Variants in GFOD1 observed in about 807,000 individuals in gnomAD.
GFOD1 encodes Gfo/Idh/MocA-like oxidoreductase domain containing 1, also known as glucose-fructose oxidoreductase domain-containing protein 1.
In GFOD1, 9 loss-of-function variants were observed where a neutral mutation model predicts 25.4. That is an observed-to-expected ratio of 0.35 (90% CI 0.21 to 0.62). The LOEUF is 0.62. Among genes scored for constraint, GFOD1 ranks in the 20% least tolerant of loss-of-function variants. The pLI is 0.72. For missense variants in GFOD1, 403 were observed against 556.9 expected (o/e 0.72, Z 2.78); for synonymous variants, 253 against 245.6 (o/e 1.03, Z -0.28).
chr6:13,474,252 G>A (rs1380410645), intron 1 of GFOD1, among the ~76,000 whole-genome samples: 1 of 152,148 alleles, frequency 6.6e-6, no homozygotes, highest in Non-Finnish European at 1.5e-5. Context: ...GGTGGTGCAT[G>A]CCTGTAATTC....
At chr6:13,407,813 CA>C (rs1203646747) in intron 1 of GFOD1, 1 of 292,246 alleles carries the variant, frequency 3.4e-6, no homozygotes, top group African/African-American at 2.2e-5. Context: ...TGGATTTCAT[CA>C]GAAGAGAATT....
intron 1 of GFOD1, among the ~76,000 whole-genome samples, chr6:13,369,563 G>A (rs1562194583): frequency 6.6e-6 from 1 of 152,164 alleles, no homozygotes; most frequent in African/African-American, 2.4e-5. Context: ...TTAGGAGGCT[G>A]AGGTGGGAGC....
chr6:13,466,119 T>C (rs1758374915), intron 1 of GFOD1, among the ~76,000 whole-genome samples: 1 of 152,248 alleles, frequency 6.6e-6, no homozygotes, highest in East Asian at 1.9e-4. Context: ...AAATGTCCCA[T>C]GTGGATACAG....
intron 1 of GFOD1, among the ~76,000 whole-genome samples, chr6:13,390,792 G>GAAGGAAGGAAGGAAGA (rs1562202788): frequency 2.0e-5 from 3 of 147,342 alleles, no homozygotes; most frequent in Non-Finnish European, 3.0e-5. Flanking sequence ...AGGAAGGAAG[G>GAAGGAAGGAAGGAAGA]AAGGAAGGAA....
Position 13,430,242 on chromosome 6 carries a change from G to C in GFOD1, c.253+56396C>G, listed in dbSNP as rs1757724429. ...ACTTGAGGCCAGGAGTTCGAGACCA[G>C]CCTGGCCAATGTGGCGAAACCCCCT... On this transcript the variant is annotated intron_variant, in intron 1 of 1. Coordinates refer to ENST00000379287, the MANE Select transcript of GFOD1 (RefSeq NM_018988.4). The surrounding 1 kb of genome is among the most constrained non-coding windows in gnomAD (Gnocchi z 4.1). Among the ~76,000 whole-genome samples, 1 of 152,100 alleles carries C rather than the reference G, an allele frequency of 6.6e-6. No individual in the cohort carries two copies. The highest frequency in any genetic ancestry group is 2.4e-5 in the African/African-American group (1 of 41,416).
At chr6:13,392,359 A>AAAAAG (rs1015921654) in intron 1 of GFOD1, among the ~76,000 whole-genome samples, 1 of 151,736 alleles carries the variant, frequency 6.6e-6, no homozygotes, top group Non-Finnish European at 1.5e-5. Flanking sequence ...AAAAAAAAAA[A>AAAAAG]AAAAGAAAAG....
At chr6:13,375,817 T>G (rs1213063016) in intron 1 of GFOD1, among the ~76,000 whole-genome samples, 1 of 152,206 alleles carries the variant, frequency 6.6e-6, no homozygotes, top group African/African-American at 2.4e-5. Flanking sequence ...TCGTGTGCAT[T>G]TGGTCATCTA....
chr6:13,399,839 T>C (rs1482738783), intron 1 of GFOD1, among the ~76,000 whole-genome samples: 1 of 152,192 alleles, frequency 6.6e-6, no homozygotes, highest in East Asian at 1.9e-4. Flanking sequence ...GGTATATACA[T>C]TTACCAAAAC....
At chr6:13,403,606 C>T (rs1375514651) in intron 1 of GFOD1, among the ~76,000 whole-genome samples, 1 of 152,152 alleles carries the variant, frequency 6.6e-6, no homozygotes, top group East Asian at 1.9e-4. Context: ...TATGAGACCA[C>T]CATTATATAT....
At chr6:13,463,001 G>A (rs1196185880) in intron 1 of GFOD1, among the ~76,000 whole-genome samples, 1 of 152,224 alleles carries the variant, frequency 6.6e-6, no homozygotes, top group Non-Finnish European at 1.5e-5. Context: ...AAGATTTCAC[G>A]AGGCAGAGAG....
chr6:13,409,133 GAAAGAAA>G lies in GFOD1; in HGVS notation c.254-43478_254-43472del, dbSNP rs1562209353. ...AGAAAGAAAGAAAGAAAGAAAGAAA[GAAAGAAA>G]GAAAGAAAGAGAGGAAAGAAAGAAA... On this transcript the variant is annotated intron_variant, in intron 1 of 1. Transcript: ENST00000379287. Among the ~76,000 whole-genome samples the G allele has an allele frequency of 4.2e-3, 170 of 40,450 alleles. 26 individuals are homozygous for G. The highest frequency in any genetic ancestry group is 0.016 in the Admixed American group (36 of 2,244). 26.5% of individuals were successfully genotyped at this position (40,450 alleles called of 152,430 possible).
In GFOD1 at chr6:13,487,302, C is replaced by T. The variant is rs1207381000; in HGVS notation, c.-412G>A. 1 of 182,936 alleles carries T rather than the reference C, an allele frequency of 5.5e-6. No individual in the cohort carries two copies. The highest frequency in any genetic ancestry group is 1.1e-5 in the Non-Finnish European group (1 of 89,282). The allele number at this position is 182,936 out of a possible 1,614,324, so 11.3% of individuals were successfully genotyped here. A position where few individuals can be genotyped will look rare whatever the true frequency, so the allele number is the denominator to read the frequency against. On this transcript the variant is annotated 5_prime_UTR_variant, in exon 1 of 2. Coordinates refer to ENST00000379287, the MANE Select transcript of GFOD1 (RefSeq NM_018988.4). The surrounding 1 kb of genome is among the most constrained non-coding windows in gnomAD (Gnocchi z 4.9). Reference sequence around the variant, plus strand: ...CCGCGCCGCCGCAGCCCGGGACCGGCTCTCTCCCGCGTCGTTTGCGCAGCC... The same window carrying T: ...CCGCGCCGCCGCAGCCCGGGACCGGTTCTCTCCCGCGTCGTTTGCGCAGCC...
intron 1 of GFOD1, among the ~76,000 whole-genome samples, chr6:13,403,110 T>TGG (rs1785880203): frequency 2.5e-5 from 3 of 120,348 alleles, no homozygotes; most frequent in African/African-American, 9.5e-5. Flanking sequence ...GTGTGTGTGG[T>TGG]TTTTTTTTTT....
intron 1 of GFOD1, among the ~76,000 whole-genome samples, chr6:13,409,443 C>G (rs926428040): frequency 6.6e-6 from 1 of 152,018 alleles, no homozygotes; most frequent in Non-Finnish European, 1.5e-5. Flanking sequence ...AATGAAATGC[C>G]TCCAAACCCA....
At chr6:13,370,711 A>ATG (rs905596215) in intron 1 of GFOD1, among the ~76,000 whole-genome samples, 1,640 of 111,610 alleles carry the variant, frequency 0.015, 31 homozygotes, top group African/African-American at 0.05. Context: ...ATATGTGTTT[A>ATG]TGTGTGTGTG....
At chr6:13,432,177 A>T (rs1391611931) in intron 1 of GFOD1, among the ~76,000 whole-genome samples, 3 of 152,016 alleles carry the variant, frequency 2.0e-5, no homozygotes, top group Non-Finnish European at 2.9e-5. Flanking sequence ...GCCATTTTCC[A>T]CACAACTAAT....
At chr6:13,407,092 C>A (rs1046171369) in intron 1 of GFOD1, among the ~76,000 whole-genome samples, 7 of 152,128 alleles carry the variant, frequency 4.6e-5, no homozygotes, top group African/African-American at 1.7e-4. Flanking sequence ...GTGTGACAAG[C>A]ATAAGGCTAT....
At chr6:13,471,412 C>T (rs1758502061) in intron 1 of GFOD1, among the ~76,000 whole-genome samples, 1 of 152,148 alleles carries the variant, frequency 6.6e-6, no homozygotes. Flanking sequence ...TGGCATCACC[C>T]CACCCAGGTC....
At chr6:13,374,059 G>A (rs1229488910) in intron 1 of GFOD1, among the ~76,000 whole-genome samples, 4 of 152,066 alleles carry the variant, frequency 2.6e-5, no homozygotes, top group Non-Finnish European at 4.4e-5. Context: ...GCCAGAGGAG[G>A]CACAATGTAT....
Sources: gnomAD v4.1 joint callset for allele counts (sites outside exome capture counted in the v4.1 genomes callset) on GRCh38, gnomAD v4.1.1 for gene constraint, Gnocchi (gnomAD v3.1) non-coding constraint, MANE v1.5 for transcripts, NCBI Gene and HGNC (gene_info 2026-07-23, HGNC 2026-07-21) for gene names.